Variants in PDE1A observed in about 807,000 individuals in gnomAD.
The protein encoded by PDE1A is dual specificity calcium/calmodulin-dependent 3',5'-cyclic nucleotide phosphodiesterase 1A.
In PDE1A, 35 loss-of-function variants were observed where a neutral mutation model predicts 61.7. That is an observed-to-expected ratio of 0.57 (90% CI 0.43 to 0.75). The LOEUF (loss-of-function observed/expected upper bound fraction) is 0.75. Among genes scored for constraint, PDE1A ranks in the 30% least tolerant of loss-of-function variants. The pLI is 0.00. For missense variants in PDE1A, 597 were observed against 630.6 expected, an observed-to-expected ratio of 0.95 and a Z score of 0.57; for synonymous variants, 232 against 213.2, an observed-to-expected ratio of 1.09 and a Z score of -0.77.
chr2:182,661,752 A>G, the PDE1A span, among the ~76,000 whole-genome samples: 1 of 152,318 alleles, frequency 6.6e-6, no homozygotes, highest in Non-Finnish European at 1.5e-5. Context: ...TTCCTAAACT[A>G]GCAATAAATA....
chr2:182,648,511 C>CAAAAAAAA, the PDE1A span, among the ~76,000 whole-genome samples: 43 of 76,118 alleles, frequency 5.6e-4, no homozygotes, highest in African/African-American at 8.2e-4. Context: ...CCTGTCCCCA[C>CAAAAAAAA]AAAAAAAAAA....
At chr2:182,239,354 T>C (rs1402292646) in intron 3 of PDE1A, among the ~76,000 whole-genome samples, 1 of 152,226 alleles carries the variant, frequency 6.6e-6, no homozygotes, top group Non-Finnish European at 1.5e-5. Context: ...GTAATTATTT[T>C]TTAATCTAAG....
At chr2:182,221,530 G>T (rs1341843890) in intron 7 of PDE1A, among the ~76,000 whole-genome samples, 1 of 152,012 alleles carries the variant, frequency 6.6e-6, no homozygotes, top group Non-Finnish European at 1.5e-5. Flanking sequence ...CAACATTCCT[G>T]CTACATAACC....
chr2:182,616,370 G>C, the PDE1A span, among the ~76,000 whole-genome samples: 1 of 152,212 alleles, frequency 6.6e-6, no homozygotes, highest in African/African-American at 2.4e-5. Flanking sequence ...AGAGGCAAAG[G>C]CCAGAGTAAT....
intron 13 of PDE1A, among the ~76,000 whole-genome samples, chr2:182,150,584 T>C (rs1690725498): frequency 6.6e-6 from 1 of 152,212 alleles, no homozygotes; most frequent in Admixed American, 6.5e-5. Flanking sequence ...AATAATTCTG[T>C]TCAGTTCAAA....
At chr2:182,186,735 GT>G (rs1685238411) in intron 11 of PDE1A, 147 bp from the exon 12 acceptor site, 7 of 705,956 alleles carry the variant, frequency 9.9e-6, no homozygotes, top group Non-Finnish European at 1.6e-5. Context: ...CCTTTGTATT[GT>G]TTTAATCTAA....
chr2:182,259,897 C>G (rs1251361486), intron 2 of PDE1A, among the ~76,000 whole-genome samples: 2 of 152,164 alleles, frequency 1.3e-5, no homozygotes, highest in African/African-American at 2.4e-5. Context: ...CTACATGTTT[C>G]TGGATTAAAA....
the PDE1A span, among the ~76,000 whole-genome samples, chr2:182,549,598 T>C: frequency 6.6e-6 from 1 of 152,162 alleles, no homozygotes; most frequent in African/African-American, 2.4e-5. Flanking sequence ...GTCTAGATTA[T>C]ATTTTGTTAC....
intron 1 of PDE1A, among the ~76,000 whole-genome samples, chr2:182,323,584 C>T (rs1459126519): frequency 6.6e-6 from 1 of 152,126 alleles, no homozygotes; most frequent in Non-Finnish European, 1.5e-5. Context: ...TTCTTGGAGG[C>T]AGGGGAAATT....
At chr2:182,553,261 G>T in the PDE1A span, among the ~76,000 whole-genome samples, 2 of 152,306 alleles carry the variant, frequency 1.3e-5, no homozygotes, top group East Asian at 3.9e-4. Context: ...CTTGGAAGTG[G>T]CTCGCCACCA....
the PDE1A span, among the ~76,000 whole-genome samples, chr2:182,532,958 A>AAAC: frequency 6.7e-6 from 1 of 149,236 alleles, no homozygotes; most frequent in Non-Finnish European, 1.5e-5. Flanking sequence ...AAAAAAAAAA[A>AAAC]AAAAAAAAAA....
chr2:182,685,304 T>A, the PDE1A span, among the ~76,000 whole-genome samples: 1 of 152,168 alleles, frequency 6.6e-6, no homozygotes, highest in Non-Finnish European at 1.5e-5. Context: ...CAAAAGGACA[T>A]TCTCTGCTTT....
chr2:182,265,240 C>T (rs1692546597), intron 1 of PDE1A, among the ~76,000 whole-genome samples: 1 of 150,704 alleles, frequency 6.6e-6, no homozygotes, highest in Admixed American at 6.6e-5. Context: ...CCACCTGTAC[C>T]CCCCAAAAAA....
chr2:182,563,319 T>C, the PDE1A span, among the ~76,000 whole-genome samples: 1 of 152,180 alleles, frequency 6.6e-6, no homozygotes, highest in African/African-American at 2.4e-5. Flanking sequence ...ATGTACCCAG[T>C]AGTCATTCAG....
At chr2:182,645,486 C>T in the PDE1A span, among the ~76,000 whole-genome samples, 1 of 152,182 alleles carries the variant, frequency 6.6e-6, no homozygotes, top group African/African-American at 2.4e-5. Context: ...TTATTCAAAA[C>T]ACATCAATAA....
chr2:182,353,382 T>TA (rs1699001000), intron 1 of PDE1A, among the ~76,000 whole-genome samples: 1 of 152,196 alleles, frequency 6.6e-6, no homozygotes, highest in Admixed American at 6.6e-5. Context: ...CTGAATATTA[T>TA]ACATGTTCTA....
Position 182,497,190 on chromosome 2 carries a change from T to C in PDE1A, c.101+25086A>G, listed in dbSNP as rs189577635. Among the ~76,000 whole-genome samples, 194 of 152,324 alleles carry C rather than the reference T, an allele frequency of 1.3e-3. 3 individuals are homozygous for C. Among genetic ancestry groups the C allele is most frequent in the Non-Finnish European group, 2.2e-3 (152 of 68,030 alleles). On this transcript the variant is annotated intron_variant, in intron 2 of 14. Coordinates refer to the PDE1A transcript ENST00000410103. ...CTAACATGACAGTAAAAACAAAACA[T>C]GTTATAAATCCCTCAAAAGGACAGT...
At chr2:182,247,940 A>G (rs1691099899) in intron 2 of PDE1A, among the ~76,000 whole-genome samples, 1 of 152,244 alleles carries the variant, frequency 6.6e-6, no homozygotes, top group Non-Finnish European at 1.5e-5. Context: ...CAGAGTGTGC[A>G]TAATCATTTA....
the PDE1A span, among the ~76,000 whole-genome samples, chr2:182,638,205 A>T: frequency 6.6e-6 from 1 of 152,206 alleles, no homozygotes; most frequent in African/African-American, 2.4e-5. Context: ...CATTTATTCT[A>T]TAAGTCTAAA....
Sources: allele counts gnomAD v4.1 joint callset (sites outside exome capture counted in the v4.1 genomes callset), GRCh38; gene constraint gnomAD v4.1.1; transcripts MANE v1.5; gene names NCBI Gene and HGNC (gene_info 2026-07-23, HGNC 2026-07-21).